PTCRA: variants seen among roughly 807,000 people sequenced by gnomAD.
PTCRA encodes the protein pre T cell antigen receptor alpha, also known as pre T-cell antigen receptor alpha.
A neutral mutation model predicts 13.4 loss-of-function variants in PTCRA; 9 were observed. That is an observed-to-expected ratio of 0.67 (90% CI 0.41 to 1.18). The LOEUF (loss-of-function observed/expected upper bound fraction) is 1.18, where lower values mean the gene tolerates loss of function less well. Ranked by LOEUF, PTCRA falls within the 50% of genes most tolerant of loss-of-function variation. PTCRA has a pLI of 0.01. For synonymous variants in PTCRA, 153 were observed against 161.9 expected (o/e 0.94, Z 0.42); for missense variants, 353 against 359.8 (o/e 0.98, Z 0.15).
At position 42,923,176 on chromosome 6, in the gene PTCRA, G is replaced by C. The variant is rs756591065; in HGVS notation, c.208G>C (p.Ala70Pro). 1.6e-5 allele frequency: 26 copies of C among 1,614,244 alleles called. No homozygotes were observed. Among genetic ancestry groups the C allele is most frequent in the Non-Finnish European group, 2.1e-5 (25 of 1,180,038 alleles). Reference sequence around the variant, plus strand: ...CTGGTTCTCAGCCGGCAATGGCAGTGCACTGGATGCCTTCACCTATGGCCC... The same window carrying C: ...CTGGTTCTCAGCCGGCAATGGCAGTCCACTGGATGCCTTCACCTATGGCCC... Reference protein sequence around the residue: ...PIWFSAGNGSALDAFTYGPSP... With the variant: ...PIWFSAGNGSPLDAFTYGPSP... The change falls in exon 2 of 4, where the codon GCA becomes CCA. Residue 70 changes from alanine (A) to proline (P), a missense_variant. Transcript: ENST00000304672.
intron 1 of PTCRA, among the ~76,000 whole-genome samples, chr6:42,917,983 C>T (rs890583039): frequency 2.6e-5 from 4 of 151,996 alleles, no homozygotes; most frequent in Non-Finnish European, 4.4e-5. Flanking sequence ...TGGCTGGGCG[C>T]GGTGGCTTAC....
chr6:42,920,930 G>A (rs1767124864), intron 1 of PTCRA, among the ~76,000 whole-genome samples: 1 of 151,616 alleles, frequency 6.6e-6, no homozygotes, highest in Non-Finnish European at 1.5e-5. Context: ...GAGTAGCTGG[G>A]ACTACAGGCA....
At chr6:42,917,497 C>T (rs1413945709) in intron 1 of PTCRA, among the ~76,000 whole-genome samples, 1 of 147,680 alleles carries the variant, frequency 6.8e-6, no homozygotes, top group East Asian at 2.0e-4. Context: ...GCTGGGATTA[C>T]AGACGTGAGC....
chr6:42,921,712 G>A (rs1411792200), intron 1 of PTCRA, among the ~76,000 whole-genome samples: 1 of 140,422 alleles, frequency 7.1e-6, no homozygotes, highest in Non-Finnish European at 1.5e-5. Context: ...CACCGTGCCC[G>A]GCCAACAAAG....
At chr6:42,918,256 A>C (rs1479039743) in intron 1 of PTCRA, among the ~76,000 whole-genome samples, 1 of 139,658 alleles carries the variant, frequency 7.2e-6, no homozygotes, top group Non-Finnish European at 1.6e-5. Context: ...AATCAGTCTC[A>C]AAAAAAAAAA....
At chr6:42,924,949 T>C (rs1441667527) in intron 3 of PTCRA, among the ~76,000 whole-genome samples, 2 of 146,402 alleles carry the variant, frequency 1.4e-5, no homozygotes, top group Non-Finnish European at 3.0e-5. Context: ...CCAGCCTGGG[T>C]GACAGAGTGA....
chr6:42,921,461 A>C (rs1767158087), intron 1 of PTCRA, among the ~76,000 whole-genome samples: 1 of 125,200 alleles, frequency 8.0e-6, no homozygotes, highest in Non-Finnish European at 1.6e-5. Flanking sequence ...CTCTGTCGCC[A>C]GGCTGGAGTG....
At chr6:42,920,021 C>CA (rs374842466) in intron 1 of PTCRA, among the ~76,000 whole-genome samples, 8,152 of 146,334 alleles carry the variant, frequency 0.056, 708 homozygotes, top group African/African-American at 0.19. Flanking sequence ...GACCCTGTCT[C>CA]AAAAAATAAT....
At chr6:42,923,998 C>A (rs1424602980) in intron 2 of PTCRA, among the ~76,000 whole-genome samples, 3 of 152,202 alleles carry the variant, frequency 2.0e-5, no homozygotes, top group Non-Finnish European at 4.4e-5. Context: ...GTTCCGGGCT[C>A]CCCAGCCTCC....
intron 1 of PTCRA, among the ~76,000 whole-genome samples, chr6:42,920,049 G>T (rs1323716674): frequency 2.0e-5 from 3 of 151,508 alleles, no homozygotes; most frequent in African/African-American, 7.3e-5. Flanking sequence ...GGCCGGGTGA[G>T]GTGGCTCACG....
Position 42,925,770 on chromosome 6 carries a change from C to G in PTCRA, c.*88C>G, listed in dbSNP as rs1767409392. The G allele has an allele frequency of 3.6e-6, 3 of 834,192 alleles. No individual in the cohort carries two copies. Among genetic ancestry groups the G allele is most frequent in the Non-Finnish European group, 3.6e-6 (2 of 554,200 alleles). 51.7% of individuals were successfully genotyped at this position (834,192 alleles called of 1,614,324 possible). On this transcript the variant is annotated 3_prime_UTR_variant, in exon 4 of 4. Coordinates refer to ENST00000304672, the MANE Select transcript of PTCRA (RefSeq NM_138296.3). This position sits in a 1 kb window ranked among gnomAD's most constrained non-coding sequence, Gnocchi z 4.4. ...GGGCCCCTTGAGAATGGTGATCCACCCAGTTACAGGGGCATTTAGGGAGCA... is the reference window on the plus strand; with the variant it reads ...GGGCCCCTTGAGAATGGTGATCCACGCAGTTACAGGGGCATTTAGGGAGCA...
At chr6:42,924,347 A>G in intron 3 of PTCRA, 74 bp downstream of exon 3, 1 of 1,299,062 alleles carries the variant, frequency 7.7e-7, no homozygotes, top group Non-Finnish European at 1.1e-6. Context: ...TGGGGCCTTC[A>G]GCTCTGGCCT....
chr6:42,923,178 A>T lies in PTCRA; in HGVS notation c.210A>T (p.Ala70=). ...GGTTCTCAGCCGGCAATGGCAGTGCACTGGATGCCTTCACCTATGGCCCTT... is the reference window on the plus strand; with the variant it reads ...GGTTCTCAGCCGGCAATGGCAGTGCTCTGGATGCCTTCACCTATGGCCCTT... ...PIWFSAGNGS[A]LDAFTYGPSP... The change falls in exon 2 of 4, where the codon GCA becomes GCT. Residue 70 remains alanine (A), a synonymous_variant. Transcript: ENST00000304672. 1.9e-6 allele frequency: 3 copies of T among 1,614,224 alleles called. No homozygotes were observed. The highest frequency in any genetic ancestry group is 1.3e-5 in the African/African-American group (1 of 75,062).
intron 2 of PTCRA, among the ~76,000 whole-genome samples, 163 bp downstream of exon 2, chr6:42,923,510 G>C (rs546031979): frequency 6.6e-6 from 1 of 152,234 alleles, no homozygotes; most frequent in South Asian, 2.1e-4. Context: ...AGTGGCCTCA[G>C]GGCCATGAAT....
chr6:42,920,548 C>A (rs1208187124), intron 1 of PTCRA, among the ~76,000 whole-genome samples: 1 of 149,938 alleles, frequency 6.7e-6, no homozygotes, highest in Non-Finnish European at 1.5e-5. Flanking sequence ...CCTCAGCCTC[C>A]CGAGTAAATG....
At chr6:42,920,048 A>C (rs113086347) in intron 1 of PTCRA, among the ~76,000 whole-genome samples, 62,855 of 148,686 alleles carry the variant, frequency 0.42, 15,703 homozygotes, top group African/African-American at 0.72. Context: ...AGGCCGGGTG[A>C]GGTGGCTCAC....
chr6:42,923,507 T>A (rs1039713626), intron 2 of PTCRA, among the ~76,000 whole-genome samples, 160 bp downstream of exon 2: 6 of 152,238 alleles, frequency 3.9e-5, no homozygotes, highest in African/African-American at 1.4e-4. Flanking sequence ...GAGAGTGGCC[T>A]CAGGGCCATG....
chr6:42,921,679 GTGC>G (rs537533460), intron 1 of PTCRA, among the ~76,000 whole-genome samples: 86 of 145,232 alleles, frequency 5.9e-4, no homozygotes, highest in African/African-American at 2.1e-3. Flanking sequence ...GCCTCCCGAA[GTGC>G]TGGGATTACA....
chr6:42,922,367 C>G (rs1767215158), intron 1 of PTCRA: 2 of 643,566 alleles, frequency 3.1e-6, no homozygotes, highest in South Asian at 1.7e-5. Flanking sequence ...GTTCCTGGAA[C>G]AGAAAGGGGC....
Sources: gnomAD v4.1 joint callset for allele counts (sites outside exome capture counted in the v4.1 genomes callset) on GRCh38, gnomAD v4.1.1 for gene constraint, Gnocchi (gnomAD v3.1) non-coding constraint, MANE v1.5 for transcripts, NCBI Gene and HGNC (gene_info 2026-07-23, HGNC 2026-07-21) for gene names.